ROPN1L: variants seen among roughly 807,000 people sequenced by gnomAD.
The protein encoded by ROPN1L is ropporin-1-like protein.
Under a neutral mutation model 22.7 loss-of-function variants are expected in ROPN1L, and 23 were observed. The ratio of observed to expected loss-of-function variants is 1.01; its 90% CI spans 0.73 to 1.43. ROPN1L has a LOEUF of 1.43. ROPN1L is among the 40% of genes most tolerant of loss of function. ROPN1L has a pLI of 0.00. For missense variants in ROPN1L, 271 were observed against 291.5 expected (o/e 0.93, Z 0.51); for synonymous variants, 116 against 117.8 (o/e 0.98, Z 0.10).
chr5:10,477,799 G>A, the ROPN1L span, among the ~76,000 whole-genome samples: 20 of 152,144 alleles, frequency 1.3e-4, no homozygotes, highest in East Asian at 3.1e-3. Context: ...GTATGGTGGC[G>A]TTCACCTATA....
chr5:10,448,455 G>A (rs1741150856), intron 2 of ROPN1L, 72 bp downstream of exon 2: 4 of 1,576,110 alleles, frequency 2.5e-6, no homozygotes, highest in Admixed American at 1.7e-5. Flanking sequence ...GTGCATTGAT[G>A]ACAGAGCGGG....
chr5:10,454,208 C>G (rs1741346605), intron 3 of ROPN1L, among the ~76,000 whole-genome samples: 1 of 152,066 alleles, frequency 6.6e-6, no homozygotes, highest in South Asian at 2.1e-4. Context: ...CTCACTGCAG[C>G]CTCAACCTCC....
the ROPN1L span, among the ~76,000 whole-genome samples, chr5:10,478,871 C>T: frequency 3.9e-5 from 6 of 152,074 alleles, 1 homozygote; most frequent in African/African-American, 1.2e-4. Flanking sequence ...ATCTCAGGAG[C>T]GGGAAAAGAT....
At chr5:10,481,743 G>A in the ROPN1L span, 1 of 152,352 alleles carries the variant, frequency 6.6e-6, no homozygotes, top group South Asian at 2.1e-4. Context: ...ATCAGCGAGG[G>A]AAAACCCTGA....
chr5:10,460,677 C>T (rs530312620), intron 3 of ROPN1L, among the ~76,000 whole-genome samples: 1 of 152,210 alleles, frequency 6.6e-6, no homozygotes, highest in Non-Finnish European at 1.5e-5. Context: ...CAGGACAGAG[C>T]CCGGACAGAG....
At chr5:10,448,211 C>T (rs748035290) in intron 1 of ROPN1L, 49 bp from the exon 2 acceptor site, 1 of 1,608,316 alleles carries the variant, frequency 6.2e-7, no homozygotes, top group South Asian at 1.1e-5. Context: ...GATCGCATAG[C>T]TGTTTTTTGT....
At chr5:10,448,158 C>G (rs1338705631) in intron 1 of ROPN1L, 102 bp from the exon 2 acceptor site, 1 of 1,375,258 alleles carries the variant, frequency 7.3e-7, no homozygotes, top group African/African-American at 1.4e-5. Flanking sequence ...TCAGAGCTGT[C>G]CTTCCTAATC....
chr5:10,472,421 G>T (rs376289041), downstream of ROPN1L, among the ~76,000 whole-genome samples: 1 of 152,232 alleles, frequency 6.6e-6, no homozygotes, highest in East Asian at 1.9e-4. Flanking sequence ...GCCCAAGAGA[G>T]TTGGCACATG....
At chr5:10,474,988 A>G (rs538477245), downstream of ROPN1L, among the ~76,000 whole-genome samples, 15 of 152,374 alleles carry the variant, frequency 9.8e-5, no homozygotes, top group South Asian at 1.2e-3. Context: ...AAAGTTGATC[A>G]GTGGTTAAAC....
rs566292292 is a variant in ROPN1L, at chr5:10,442,146, C to T, written c.-22C>T. The T allele has an allele frequency of 5.0e-6, 8 of 1,609,794 alleles. No homozygotes were observed. The East Asian group carries it at 1.8e-4, about 36-fold the overall frequency. On this transcript the variant is annotated 5_prime_UTR_variant, in exon 1 of 5. Transcript: ENST00000274134. ...TCGCAGCGCGCCGCGATTCACCAGC[C>T]TGGTCCCTTCTGCGGAGAGCGATGC...
chr5:10,446,778 G>T (rs1349590876), intron 1 of ROPN1L, among the ~76,000 whole-genome samples: 1 of 152,114 alleles, frequency 6.6e-6, no homozygotes, highest in African/African-American at 2.4e-5. Context: ...TCCAGAGGCT[G>T]TATCTAGCTC....
the ROPN1L span, among the ~76,000 whole-genome samples, chr5:10,481,160 A>G: frequency 2.7e-4 from 41 of 152,290 alleles, no homozygotes; most frequent in African/African-American, 9.6e-4. Context: ...GGACTTTGCT[A>G]CTCACAGCAC....
intron 4 of ROPN1L, among the ~76,000 whole-genome samples, chr5:10,470,528 G>T (rs748074622): frequency 2.0e-5 from 3 of 152,192 alleles, no homozygotes; most frequent in Admixed American, 6.5e-5. Flanking sequence ...AAGGCCAGAA[G>T]CCCCCACAGG....
chr5:10,463,596 G>T (rs542997218), intron 4 of ROPN1L, among the ~76,000 whole-genome samples: 4 of 152,196 alleles, frequency 2.6e-5, no homozygotes, highest in Non-Finnish European at 5.9e-5. Context: ...TGCCCCCCAA[G>T]TGCTGGTTAT....
rs200043905 is a variant in ROPN1L, at chr5:10,461,224, C to T, written c.458C>T (p.Thr153Met). ...CTGAAGCACCTGTGCGAGATCCTCA[C>T]GGACGATCCGGAGGGCGGGCCCGCT... ...TALKHLCEIL[T>M]DDPEGGPARI... Residue 153 changes from threonine (T) to methionine (M), a missense_variant, in exon 4 of 5, where the codon ACG becomes ATG. Transcript: ENST00000274134. 41 of 1,614,012 alleles carry T rather than the reference C, an allele frequency of 2.5e-5. No homozygotes were observed. The highest frequency in any genetic ancestry group is 4.0e-5 in the African/African-American group (3 of 74,958).
downstream of ROPN1L, among the ~76,000 whole-genome samples, chr5:10,468,133 C>G (rs1735185457): frequency 6.6e-6 from 1 of 152,246 alleles, no homozygotes; most frequent in South Asian, 2.1e-4. Context: ...AGCTCCAGCC[C>G]CCAGGGGTTG....
At chr5:10,472,704 C>T (rs759568213), downstream of ROPN1L, among the ~76,000 whole-genome samples, 3 of 152,134 alleles carry the variant, frequency 2.0e-5, no homozygotes, top group Non-Finnish European at 4.4e-5. Context: ...GGCGTGTTCA[C>T]CAGGAGGGTG....
the ROPN1L span, among the ~76,000 whole-genome samples, chr5:10,477,287 G>A: frequency 5.9e-5 from 9 of 152,290 alleles, no homozygotes; most frequent in African/African-American, 1.7e-4. Flanking sequence ...CACATTTACC[G>A]AGGGCCACTG....
chr5:10,442,420 A>G, intron 1 of ROPN1L, 122 bp downstream of exon 1: 1 of 1,258,882 alleles, frequency 7.9e-7, no homozygotes, highest in Non-Finnish European at 1.1e-6. Context: ...GTATCAGGCA[A>G]AACTTTCCCC....
Sources: gnomAD v4.1 joint callset for allele counts (sites outside exome capture counted in the v4.1 genomes callset) on GRCh38, gnomAD v4.1.1 for gene constraint, MANE v1.5 for transcripts, NCBI Gene and HGNC (gene_info 2026-07-23, HGNC 2026-07-21) for gene names.